The following SHANK2 variants were observed in gnomAD, a reference collection of about 807,000 sequenced individuals.
The protein encoded by SHANK2 is SH3 and multiple ankyrin repeat domains protein 2.
Under a neutral mutation model 133.7 loss-of-function variants are expected in SHANK2, and 43 were observed. The observed-to-expected ratio is 0.32, with a 90% CI of 0.25 to 0.41. The LOEUF (loss-of-function observed/expected upper bound fraction) is 0.41, where lower values mean the gene tolerates loss of function less well. Ranked by LOEUF, SHANK2 falls within the 10% of genes least tolerant of loss-of-function variation. The pLI is 1.00. For missense variants in SHANK2, 1,994 were observed against 2,235.8 expected (o/e 0.89, Z 2.18); for synonymous variants, 1,017 against 952.8 (o/e 1.07, Z -1.24).
chr11:70,525,030 G>C (rs1334299719), intron 17 of SHANK2, among the ~76,000 whole-genome samples: 1 of 152,232 alleles, frequency 6.6e-6, no homozygotes, highest in African/African-American at 2.4e-5. Flanking sequence ...GTAAGATAAG[G>C]CTCTGTGCAG....
At chr11:70,704,568 T>C (rs1204619432) in intron 14 of SHANK2, among the ~76,000 whole-genome samples, 1 of 152,210 alleles carries the variant, frequency 6.6e-6, no homozygotes, top group Non-Finnish European at 1.5e-5. Flanking sequence ...TGGCTTTTTT[T>C]CTGAGATGTT....
rs2059622224 is a variant in SHANK2 at position 70,541,588 on chromosome 11, G to A, written c.2062-38657C>T. On this transcript the variant is annotated intron_variant, in intron 17 of 25. Coordinates refer to ENST00000601538, the MANE Select transcript of SHANK2 (RefSeq NM_012309.5). ...AGGCCAGCAGGCACTGACAGATGTGGGGCGTGGAGCCTGGTGTCCAACTTG... is the reference window on the plus strand; with the variant it reads ...AGGCCAGCAGGCACTGACAGATGTGAGGCGTGGAGCCTGGTGTCCAACTTG... Among the ~76,000 whole-genome samples the A allele has an allele frequency of 2.0e-5, 3 of 152,260 alleles. No individual in the cohort carries two copies. The South Asian group carries it at 6.2e-4, about 31-fold the overall frequency.
chr11:70,534,982 T>C (rs1554973912), intron 17 of SHANK2, among the ~76,000 whole-genome samples: 1 of 152,068 alleles, frequency 6.6e-6, no homozygotes, highest in African/African-American at 2.4e-5. Flanking sequence ...GGGGAAACAC[T>C]GACAAAGGAG....
chr11:70,594,985 G>A (rs551391770), intron 17 of SHANK2, among the ~76,000 whole-genome samples: 285 of 152,168 alleles, frequency 1.9e-3, no homozygotes, highest in African/African-American at 6.5e-3. Flanking sequence ...CTTCAGGGCC[G>A]GGAGCCGGGA....
intron 17 of SHANK2, among the ~76,000 whole-genome samples, chr11:70,586,025 C>T (rs1374406970): frequency 6.6e-6 from 1 of 152,150 alleles, no homozygotes; most frequent in African/African-American, 2.4e-5. Context: ...ACCGATTCAA[C>T]CCTGACCTTG....
At chr11:70,562,903 C>T (rs1164875834) in intron 17 of SHANK2, among the ~76,000 whole-genome samples, 2 of 152,166 alleles carry the variant, frequency 1.3e-5, no homozygotes, top group East Asian at 1.9e-4. Flanking sequence ...GACAGAGTCT[C>T]GCTCTGTCAC....
intron 17 of SHANK2, among the ~76,000 whole-genome samples, chr11:70,584,052 G>C (rs1458030374): frequency 6.6e-6 from 1 of 152,112 alleles, no homozygotes; most frequent in Non-Finnish European, 1.5e-5. Flanking sequence ...TCTCATCCCC[G>C]GCCGACCCCC....
intron 2 of SHANK2, among the ~76,000 whole-genome samples, chr11:71,187,476 C>T (rs577072125): frequency 6.6e-6 from 1 of 151,966 alleles, no homozygotes. Context: ...TCATGGGTTT[C>T]TCATGTTTTA....
intron 1 of SHANK2, among the ~76,000 whole-genome samples, chr11:71,238,159 C>T (rs1441784242): frequency 1.3e-5 from 2 of 152,322 alleles, no homozygotes; most frequent in Admixed American, 6.5e-5. Context: ...ATGATGCCCA[C>T]GTGGGAGGCT....
chr11:71,193,052 G>A (rs1322242645), intron 2 of SHANK2, among the ~76,000 whole-genome samples: 2 of 152,202 alleles, frequency 1.3e-5, no homozygotes, highest in African/African-American at 4.8e-5. Flanking sequence ...TAGAAAAAGA[G>A]AGAAATAAAA....
intron 17 of SHANK2, among the ~76,000 whole-genome samples, chr11:70,574,396 G>A (rs1223792764): frequency 6.6e-6 from 1 of 152,360 alleles, no homozygotes; most frequent in East Asian, 1.9e-4. Context: ...TTGGAGGCAG[G>A]AGAACAGGCT....
At chr11:70,592,972 C>T (rs782447797) in intron 17 of SHANK2, among the ~76,000 whole-genome samples, 3 of 152,272 alleles carry the variant, frequency 2.0e-5, no homozygotes, top group Middle Eastern at 3.4e-3. Flanking sequence ...AAACCCTCGC[C>T]GAAAGGAGGG....
intron 8 of SHANK2, among the ~76,000 whole-genome samples, chr11:71,084,846 G>A (rs1951357174): frequency 6.6e-6 from 1 of 152,168 alleles, no homozygotes; most frequent in Admixed American, 6.5e-5. Flanking sequence ...CTCTGGGCCT[G>A]TGAACTCATA....
At chr11:70,726,193 G>T (rs1555030626) in intron 14 of SHANK2, among the ~76,000 whole-genome samples, 1 of 152,200 alleles carries the variant, frequency 6.6e-6, no homozygotes, top group African/African-American at 2.4e-5. Context: ...CACAGAAGCA[G>T]CGAGTACAGA....
intron 11 of SHANK2, among the ~76,000 whole-genome samples, chr11:70,824,112 T>C (rs1052354700): frequency 6.6e-6 from 1 of 151,188 alleles, no homozygotes; most frequent in East Asian, 1.9e-4. Flanking sequence ...GAGGAGGTGC[T>C]GGCAGAGCTC....
intron 17 of SHANK2, among the ~76,000 whole-genome samples, chr11:70,599,739 T>C (rs946975285): frequency 3.4e-5 from 5 of 147,470 alleles, no homozygotes; most frequent in Non-Finnish European, 6.0e-5. Flanking sequence ...TTGCAGTGAG[T>C]TGAGATTGTG....
At chr11:70,954,333 T>C (rs1182993016) in intron 10 of SHANK2, among the ~76,000 whole-genome samples, 1 of 152,172 alleles carries the variant, frequency 6.6e-6, no homozygotes, top group African/African-American at 2.4e-5. Flanking sequence ...GCAGCCTTCA[T>C]CACGGACTGT....
intron 10 of SHANK2, among the ~76,000 whole-genome samples, chr11:70,903,574 T>C (rs1389400038): frequency 6.6e-6 from 1 of 152,164 alleles, no homozygotes; most frequent in Non-Finnish European, 1.5e-5. Flanking sequence ...ACACTCATCA[T>C]TGGCAAGCGT....
intron 1 of SHANK2, among the ~76,000 whole-genome samples, chr11:71,230,057 G>A (rs1954715776): frequency 6.6e-6 from 1 of 152,176 alleles, no homozygotes; most frequent in Admixed American, 6.5e-5. Flanking sequence ...AGAGGCCAAG[G>A]CAGATGGATC....
Sources: gnomAD v4.1 joint callset for allele counts (sites outside exome capture counted in the v4.1 genomes callset) on GRCh38, gnomAD v4.1.1 for gene constraint, MANE v1.5 for transcripts, NCBI Gene and HGNC (gene_info 2026-07-23, HGNC 2026-07-21) for gene names.